Variants in PHKA1 observed in about 807,000 individuals in gnomAD.
The protein encoded by PHKA1 is phosphorylase b kinase regulatory subunit alpha, skeletal muscle isoform.
PHKA1 carries 60 observed loss-of-function variants against 110.2 expected under a neutral mutation model. That is an observed-to-expected ratio of 0.54 (90% CI 0.44 to 0.68). The LOEUF is 0.68. Among genes scored for constraint, PHKA1 ranks in the 30% least tolerant of loss-of-function variants. PHKA1 has a pLI of 0.00. For synonymous variants in PHKA1, 316 were observed against 333.6 expected, an observed-to-expected ratio of 0.95 and a Z score of 0.58; for missense variants, 801 against 942.5, an observed-to-expected ratio of 0.85 and a Z score of 1.97.
In PHKA1 at chrX:72,579,023, G is replaced by A. The variant is rs995142645; in HGVS notation, c.*1979C>T. On this transcript the variant is annotated 3_prime_UTR_variant, in exon 32 of 32. Coordinates refer to ENST00000373542, the MANE Select transcript of PHKA1 (RefSeq NM_002637.4). The stretch of plus-strand genomic sequence containing the variant: ...ATGGGGACCATAATGACACAATTTC[G>A]TAAACTCAGAGAAATGCAGCCCTTC... The A allele has an allele frequency of 8.9e-6, 1 of 111,972 alleles. No homozygotes were observed. Among genetic ancestry groups the A allele is most frequent in the Non-Finnish European group, 1.9e-5 (1 of 53,224 alleles). The allele number at this position is 111,972 out of a possible 1,213,427, so 9.2% of individuals were successfully genotyped here.
intron 8 of PHKA1, among the ~76,000 whole-genome samples, chrX:72,661,891 G>T (rs1486498293): frequency 9.0e-6 from 1 of 111,339 alleles, no homozygotes; most frequent in Non-Finnish European, 1.9e-5. Context: ...CTGTGGTGTA[G>T]CAAGTGACTG....
At chrX:72,688,069 C>T (rs982865207) in intron 4 of PHKA1, among the ~76,000 whole-genome samples, 4 of 110,658 alleles carry the variant, frequency 3.6e-5, no homozygotes, top group Non-Finnish European at 3.8e-5. Context: ...CCTTGTGATC[C>T]GCCCGCCTAA....
At chrX:72,603,749 A>G (rs150928676) in intron 25 of PHKA1, among the ~76,000 whole-genome samples, 279 of 111,446 alleles carry the variant, frequency 2.5e-3, no homozygotes, top group African/African-American at 8.6e-3. Flanking sequence ...ACATTTGTGC[A>G]AGCAGGTATG....
At chrX:72,604,934 G>A (rs2052706726) in intron 25 of PHKA1, among the ~76,000 whole-genome samples, 2 of 111,541 alleles carry the variant, frequency 1.8e-5, no homozygotes, top group Admixed American at 1.9e-4. Flanking sequence ...GTGTACAGAC[G>A]CTCCACTGCC....
intron 5 of PHKA1, among the ~76,000 whole-genome samples, chrX:72,681,556 C>A (rs2053873003): frequency 1.1e-5 from 1 of 89,819 alleles, no homozygotes; most frequent in Non-Finnish European, 2.3e-5. Context: ...GGGGGTCAGC[C>A]CCCCGCCCGG....
intron 6 of PHKA1, among the ~76,000 whole-genome samples, chrX:72,669,293 T>C (rs1556307730): frequency 8.9e-6 from 1 of 112,102 alleles, no homozygotes; most frequent in Non-Finnish European, 1.9e-5. Flanking sequence ...GGGGGCTCTC[T>C]GTTGTGGTTC....
chrX:72,697,996 A>AT (rs201394893), intron 3 of PHKA1, among the ~76,000 whole-genome samples: 2 of 109,010 alleles, frequency 1.8e-5, no homozygotes, highest in Non-Finnish European at 3.8e-5. Flanking sequence ...AAAAAAAAAA[A>AT]TTTTTTTTAA....
chrX:72,679,580 G>A (rs2053818964), intron 5 of PHKA1, among the ~76,000 whole-genome samples: 1 of 110,949 alleles, frequency 9.0e-6, no homozygotes, highest in Non-Finnish European at 1.9e-5. Context: ...AGAAAGCTTA[G>A]TAGATACATG....
At chrX:72,582,756 G>A (rs2052356121) in intron 30 of PHKA1, among the ~76,000 whole-genome samples, 158 bp from the exon 31 acceptor site, 1 of 111,855 alleles carries the variant, frequency 8.9e-6, no homozygotes, top group South Asian at 3.7e-4. Flanking sequence ...CTTTTTGGAG[G>A]GCAATCTGGC....
intron 4 of PHKA1, among the ~76,000 whole-genome samples, chrX:72,690,619 C>G (rs2054024516): frequency 8.9e-6 from 1 of 111,957 alleles, no homozygotes; most frequent in Non-Finnish European, 1.9e-5. Flanking sequence ...GGACTTCCAG[C>G]CTCCAGAACT....
chrX:72,667,720 C>T (rs2053630206), intron 6 of PHKA1, among the ~76,000 whole-genome samples: 2 of 111,899 alleles, frequency 1.8e-5, no homozygotes, highest in Non-Finnish European at 3.8e-5. Flanking sequence ...CATCATTGTA[C>T]TCTCTCCTTC....
At chrX:72,611,715 C>T (rs1759183051) in intron 21 of PHKA1, among the ~76,000 whole-genome samples, 1 of 112,091 alleles carries the variant, frequency 8.9e-6, no homozygotes, top group Non-Finnish European at 1.9e-5. Context: ...CCTAGAAAAA[C>T]TTTAACTTAG....
At chrX:72,670,242 T>C (rs1291041010) in intron 6 of PHKA1, among the ~76,000 whole-genome samples, 3 of 111,713 alleles carry the variant, frequency 2.7e-5, no homozygotes, top group African/African-American at 9.8e-5. Context: ...TTCTTGTAAA[T>C]TTCTTTGAGT....
At chrX:72,669,798 G>A (rs1489627406) in intron 6 of PHKA1, among the ~76,000 whole-genome samples, 3 of 110,287 alleles carry the variant, frequency 2.7e-5, no homozygotes, top group Non-Finnish European at 3.8e-5. Flanking sequence ...CATGTGGGTT[G>A]GTTCCAAGTC....
chrX:72,668,683 T>A (rs782310525), intron 6 of PHKA1, among the ~76,000 whole-genome samples: 1 of 111,330 alleles, frequency 9.0e-6, no homozygotes, highest in African/African-American at 3.3e-5. Context: ...TAAGTAGAAG[T>A]TGGCCAGGCA....
At chrX:72,594,178 A>T (rs1239158206) in intron 28 of PHKA1, among the ~76,000 whole-genome samples, 1 of 110,604 alleles carries the variant, frequency 9.0e-6, no homozygotes, top group Non-Finnish European at 1.9e-5. Context: ...AATTTATGTT[A>T]TAAATGCCTA....
chrX:72,682,934 TA>T (rs1164416043), intron 5 of PHKA1, among the ~76,000 whole-genome samples: 3,523 of 63,817 alleles, frequency 0.055, 223 homozygotes, highest in East Asian at 0.41. Context: ...AAAAATAAAT[TA>T]AAAAAAAAAA....
chrX:72,639,792 G>T (rs1314760298), intron 14 of PHKA1, among the ~76,000 whole-genome samples: 1 of 111,399 alleles, frequency 9.0e-6, no homozygotes, highest in Non-Finnish European at 1.9e-5. Flanking sequence ...ACAATCATTG[G>T]TGAGGTTGAA....
intron 6 of PHKA1, among the ~76,000 whole-genome samples, chrX:72,668,939 A>G (rs1259767284): frequency 8.9e-6 from 1 of 112,603 alleles, no homozygotes; most frequent in Non-Finnish European, 1.9e-5. Context: ...CCATTCTAAA[A>G]GAGAGAAACA....
Sources: gnomAD v4.1 joint callset for allele counts (sites outside exome capture counted in the v4.1 genomes callset) on GRCh38, gnomAD v4.1.1 for gene constraint, MANE v1.5 for transcripts, NCBI Gene and HGNC (gene_info 2026-07-23, HGNC 2026-07-21) for gene names.